Variants in CLASP1 observed in about 807,000 individuals in gnomAD.
CLASP1 encodes the protein cytoplasmic linker associated protein 1.
A neutral mutation model predicts 192.3 loss-of-function variants in CLASP1; 38 were observed. The observed-to-expected ratio is 0.20, with a 90% CI of 0.15 to 0.26. CLASP1 has a LOEUF of 0.26. CLASP1 is among the 10% of genes least tolerant of loss of function. The pLI, the probability that CLASP1 is intolerant of heterozygous loss-of-function variation, is 1.00. For synonymous variants in CLASP1, 691 were observed against 712.8 expected (o/e 0.97, Z 0.49); for missense variants, 1,433 against 1,932.5 (o/e 0.74, Z 4.85).
chr2:121,560,268 T>C (rs1165682039), intron 2 of CLASP1, among the ~76,000 whole-genome samples: 1 of 152,254 alleles, frequency 6.6e-6, no homozygotes, highest in African/African-American at 2.4e-5. Context: ...GTCTGTGTTA[T>C]GAAGTTTTTA....
chr2:121,401,695 T>G, intron 27 of CLASP1, 23 bp from the exon 29 acceptor site: 1 of 1,592,042 alleles, frequency 6.3e-7, no homozygotes, highest in Non-Finnish European at 8.6e-7. Flanking sequence ...GAAAACCAAG[T>G]AGTTCACATA....
At chr2:121,485,006 G>A (rs565815797) in intron 8 of CLASP1, among the ~76,000 whole-genome samples, 1 of 152,176 alleles carries the variant, frequency 6.6e-6, no homozygotes, top group South Asian at 2.1e-4. Context: ...CTGTGATAAA[G>A]GCAAAGAAGA....
chr2:121,590,005 T>C (rs1409158078), intron 2 of CLASP1, among the ~76,000 whole-genome samples: 1 of 152,184 alleles, frequency 6.6e-6, no homozygotes, highest in Non-Finnish European at 1.5e-5. Context: ...ATCAATCAGT[T>C]AAAGGGGAAA....
At chr2:121,421,530 G>A (rs924704686) in intron 22 of CLASP1, among the ~76,000 whole-genome samples, 1 of 152,030 alleles carries the variant, frequency 6.6e-6, no homozygotes, top group Admixed American at 6.6e-5. Context: ...TTACAGGTGT[G>A]AGCCACTGTG....
At chr2:121,486,313 T>C (rs2092967596) in intron 8 of CLASP1, among the ~76,000 whole-genome samples, 1 of 152,222 alleles carries the variant, frequency 6.6e-6, no homozygotes, top group South Asian at 2.1e-4. Flanking sequence ...GGGAAAGTTT[T>C]AAGCAACACT....
chr2:121,459,028 A>C, intron 12 of CLASP1, 53 bp from the exon 13 acceptor site: 2 of 1,433,040 alleles, frequency 1.4e-6, no homozygotes, highest in Non-Finnish European at 1.9e-6. Flanking sequence ...GAGACAGTGA[A>C]GCATATAAAC....
intron 6 of CLASP1, among the ~76,000 whole-genome samples, chr2:121,517,014 ACT>A (rs1286193869): frequency 6.6e-6 from 1 of 152,048 alleles, no homozygotes; most frequent in Admixed American, 6.6e-5. Context: ...ACAGAGCAAG[ACT>A]CTGTCTCAGA....
chr2:121,555,980 AC>A (rs938295268), intron 2 of CLASP1, among the ~76,000 whole-genome samples: 5 of 82,418 alleles, frequency 6.1e-5, no homozygotes, highest in African/African-American at 2.6e-4. Flanking sequence ...CCTGCCCCCT[AC>A]CCACCGCTTT....
At chr2:121,418,584 A>T (rs2078978476) in intron 23 of CLASP1, 38 bp downstream of exon 23, 5 of 1,411,382 alleles carry the variant, frequency 3.5e-6, no homozygotes, top group African/African-American at 1.4e-5. Flanking sequence ...CAGGGAAAGG[A>T]ACTCTTTGCT....
At chr2:121,436,884 A>T (rs116596815) in intron 19 of CLASP1, among the ~76,000 whole-genome samples, 1,571 of 152,240 alleles carry the variant, frequency 0.01, 28 homozygotes, top group African/African-American at 0.035. Context: ...TACAGTCTGG[A>T]TAAGTTCTTC....
chr2:121,440,340 C>T (rs2083093255), intron 19 of CLASP1, among the ~76,000 whole-genome samples: 1 of 152,124 alleles, frequency 6.6e-6, no homozygotes, highest in Admixed American at 6.5e-5. Context: ...CTATGAGTAC[C>T]TGTGCATGTT....
intron 2 of CLASP1, chr2:121,531,068 T>C (rs1012300718): frequency 4.5e-5 from 31 of 691,644 alleles, no homozygotes; most frequent in Non-Finnish European, 6.3e-5. Flanking sequence ...AATAAACTAG[T>C]ACTTTGTGGT....
intron 31 of CLASP1, among the ~76,000 whole-genome samples, chr2:121,387,442 T>C (rs2073478586): frequency 6.6e-6 from 1 of 152,114 alleles, no homozygotes; most frequent in Non-Finnish European, 1.5e-5. Flanking sequence ...AAATGATTGA[T>C]GTTGGGTGTG....
At chr2:121,478,626 CACAT>C (rs1216119454) in intron 8 of CLASP1, among the ~76,000 whole-genome samples, 3 of 130,938 alleles carry the variant, frequency 2.3e-5, no homozygotes, top group African/African-American at 6.1e-5. Context: ...ACCACACACA[CACAT>C]ACACACACAC....
intron 38 of CLASP1, among the ~76,000 whole-genome samples, chr2:121,347,655 TC>T (rs2063625045): frequency 6.6e-6 from 1 of 152,188 alleles, no homozygotes; most frequent in African/African-American, 2.4e-5. Flanking sequence ...GATGTCCGTG[TC>T]CCTTTGAGCT....
chr2:121,530,188 C>G, intron 3 of CLASP1, 59 bp downstream of exon 3: 1 of 1,451,668 alleles, frequency 6.9e-7, no homozygotes, highest in African/African-American at 1.4e-5. Flanking sequence ...GCCGGGGAGG[C>G]CGAGGGAAGG....
At chr2:121,521,994 C>G (rs963070866) in intron 6 of CLASP1, among the ~76,000 whole-genome samples, 1 of 152,126 alleles carries the variant, frequency 6.6e-6, no homozygotes, top group Non-Finnish European at 1.5e-5. Context: ...AAAATAAAGG[C>G]AACAGCAAAA....
At chr2:121,569,992 G>A (rs756573018) in intron 2 of CLASP1, among the ~76,000 whole-genome samples, 2 of 152,168 alleles carry the variant, frequency 1.3e-5, no homozygotes, top group Non-Finnish European at 2.9e-5. Flanking sequence ...GTAACTTTGA[G>A]CAAATTAATT....
At chr2:121,353,572 A>G (rs576136361) in intron 37 of CLASP1, among the ~76,000 whole-genome samples, 2 of 152,230 alleles carry the variant, frequency 1.3e-5, no homozygotes, top group South Asian at 4.1e-4. Flanking sequence ...ACTGCAACAC[A>G]ACTCCCAGGA....
Sources: gnomAD v4.1 joint callset for allele counts (sites outside exome capture counted in the v4.1 genomes callset) on GRCh38, gnomAD v4.1.1 for gene constraint, MANE v1.5 for transcripts, NCBI Gene and HGNC (gene_info 2026-07-23, HGNC 2026-07-21) for gene names.